The following PRRC2C variants were observed in gnomAD, a reference collection of about 807,000 sequenced individuals.
PRRC2C encodes the protein protein PRRC2C.
A neutral mutation model predicts 317.2 loss-of-function variants in PRRC2C; 72 were observed. The ratio of observed to expected loss-of-function variants is 0.23; its 90% CI spans 0.19 to 0.28. The LOEUF (loss-of-function observed/expected upper bound fraction) is 0.28, where lower values mean the gene tolerates loss of function less well. PRRC2C is among the 10% of genes least tolerant of loss of function. The pLI is 1.00. For missense variants in PRRC2C, 3,074 were observed against 3,459.7 expected (o/e 0.89, Z 2.80); for synonymous variants, 1,296 against 1,205.9 (o/e 1.07, Z -1.55).
rs1677779593 is a variant in PRRC2C, at chr1:171,540,591, A to T, written c.3125A>T (p.Glu1042Val). The change falls in exon 16 of 35, where the codon GAA (glutamate) becomes GTA (valine). Residue 1042 changes from glutamate to valine, a missense_variant. Physicochemically the swap from Glu to Val is moderately radical, Grantham distance 121. This residue lies in a region of PRRC2C where 1,320 missense variants were observed against 1,395.7 expected (regional missense o/e 0.95). Coordinates refer to ENST00000647382, the MANE Select transcript of PRRC2C (RefSeq NM_001387844.1). ...AAGGAGAAAGAAGGAGAAAAGGCCG[A>T]AAAGGTCACTGAAAAAGTAGTTGTA... is the stretch of plus-strand genomic sequence containing the variant. The part of the protein sequence containing the change: ...QRKEKEGEKA[E>V]KVTEKVVVKP... The T allele has an allele frequency of 1.2e-6, 2 of 1,613,952 alleles. No homozygotes were observed. Among genetic ancestry groups the T allele is most frequent in the South Asian group, 2.2e-5 (2 of 91,086 alleles).
chr1:171,507,405 G>A (rs552566952), intron 1 of PRRC2C, among the ~76,000 whole-genome samples: 1 of 152,254 alleles, frequency 6.6e-6, no homozygotes, highest in East Asian at 1.9e-4. Flanking sequence ...GAGATCAGGA[G>A]TTCAAGACCA....
intron 7 of PRRC2C, 133 bp from the exon 8 acceptor site, chr1:171,523,088 C>A (rs913203637): frequency 5.3e-6 from 4 of 748,888 alleles, no homozygotes; most frequent in South Asian, 4.6e-5. Flanking sequence ...ATACACATGT[C>A]CATGCAGAAC....
At chr1:171,544,324 A>G (rs1467778333) in intron 16 of PRRC2C, among the ~76,000 whole-genome samples, 3 of 152,100 alleles carry the variant, frequency 2.0e-5, no homozygotes, top group African/African-American at 7.2e-5. Flanking sequence ...GGGATTCGCC[A>G]TGTTTGCCAG....
At chr1:171,567,267 T>C (rs1383956663) in intron 22 of PRRC2C, among the ~76,000 whole-genome samples, 1 of 152,130 alleles carries the variant, frequency 6.6e-6, no homozygotes, top group African/African-American at 2.4e-5. Flanking sequence ...CAGATTACTG[T>C]TTCTTTGGTT....
intron 15 of PRRC2C, 74 bp downstream of exon 15, chr1:171,537,547 G>C (rs190177796): frequency 7.6e-7 from 1 of 1,312,884 alleles, no homozygotes; most frequent in African/African-American, 1.5e-5. Flanking sequence ...TGTTTCTGAA[G>C]ATCATTCCAA....
At chr1:171,527,970 T>TA in intron 11 of PRRC2C, 126 bp downstream of exon 11, 1 of 681,110 alleles carries the variant, frequency 1.5e-6, no homozygotes, top group Non-Finnish European at 2.6e-6. Flanking sequence ...TTGTGACTCT[T>TA]ACATGTCTTA....
chr1:171,490,421 G>A (rs981194804), intron 1 of PRRC2C, among the ~76,000 whole-genome samples: 5 of 152,134 alleles, frequency 3.3e-5, no homozygotes, highest in East Asian at 1.9e-4. Flanking sequence ...AATGAAGGTC[G>A]AAAGCCTAGA....
At chr1:171,548,786 T>C (rs1679643586) in intron 17 of PRRC2C, among the ~76,000 whole-genome samples, 1 of 152,258 alleles carries the variant, frequency 6.6e-6, no homozygotes, top group African/African-American at 2.4e-5. Flanking sequence ...TAGATGATTC[T>C]GGTATGTGTT....
At chr1:171,551,872 G>C (rs564321352) in intron 18 of PRRC2C, among the ~76,000 whole-genome samples, 1 of 152,188 alleles carries the variant, frequency 6.6e-6, no homozygotes, top group Non-Finnish European at 1.5e-5. Flanking sequence ...TAGACTTGTA[G>C]TGTAGTTTGA....
At position 171,575,002 on chromosome 1, in the gene PRRC2C, C is replaced by T. The variant is rs780272536; in HGVS notation, c.6829C>T (p.Pro2277Ser). The change falls in exon 25 of 35, where the codon CCT becomes TCT. Residue 2277 changes from proline (P) to serine (S), a missense_variant. By Grantham distance (74) the Pro-to-Ser change is moderately conservative. Around this residue, in one of 11 missense-constraint regions of PRRC2C, gnomAD observed 490 missense variants for 663.1 expected, o/e 0.74. Coordinates refer to ENST00000647382, the MANE Select transcript of PRRC2C (RefSeq NM_001387844.1). ...GGGGTCTCCAGTAACTTCCACAGCA[C>T]CTCCAATTGCAACTGGAGTCAGCAG... ...EKGSPVTSTA[P>S]PIATGVSSSA... is the part of the protein sequence containing the mutation. 1 of 1,613,900 alleles carries T rather than the reference C, an allele frequency of 6.2e-7. No homozygotes were observed. Among genetic ancestry groups the T allele is most frequent in the Non-Finnish European group, 8.5e-7 (1 of 1,179,850 alleles).
chr1:171,524,722 C>T (rs778022206), intron 9 of PRRC2C, 99 bp from the exon 10 acceptor site: 113 of 1,253,034 alleles, frequency 9.0e-5, no homozygotes, highest in Non-Finnish European at 1.1e-4. Flanking sequence ...TTTCCCCCCC[C>T]AGAAACCATA....
At chr1:171,523,678 A>G (rs1674022319) in intron 9 of PRRC2C, among the ~76,000 whole-genome samples, 156 bp downstream of exon 9, 1 of 152,230 alleles carries the variant, frequency 6.6e-6, no homozygotes, top group South Asian at 2.1e-4. Context: ...TTAATGAGCT[A>G]GATTAATACA....
intron 23 of PRRC2C, among the ~76,000 whole-genome samples, chr1:171,569,735 A>G (rs941494352): frequency 4.0e-5 from 6 of 151,178 alleles, no homozygotes; most frequent in Admixed American, 3.3e-4. Context: ...GTAAGATCTC[A>G]ATAAAGTTTA....
chr1:171,518,495 T>TTTTTTTTCAATTTTTTTTTCAA (rs1491214010), intron 6 of PRRC2C, among the ~76,000 whole-genome samples: 18 of 47,458 alleles, frequency 3.8e-4, no homozygotes, highest in Non-Finnish European at 6.0e-4. Flanking sequence ...TTTTTTTCAA[T>TTTTTTTTCAATTTTTTTTTCAA]TTTTTTTTTT....
chr1:171,553,204 C>T (rs1166971893), intron 18 of PRRC2C, among the ~76,000 whole-genome samples: 3 of 152,064 alleles, frequency 2.0e-5, no homozygotes, highest in Non-Finnish European at 4.4e-5. Flanking sequence ...GTGTGTGTGT[C>T]GAGGAATTTA....
intron 17 of PRRC2C, among the ~76,000 whole-genome samples, chr1:171,546,073 A>T (rs1034602877): frequency 1.3e-5 from 2 of 152,202 alleles, no homozygotes; most frequent in African/African-American, 4.8e-5. Context: ...TAAATGTTAA[A>T]CTCAATAATT....
chr1:171,576,213 G>T (rs1350494435), intron 25 of PRRC2C, among the ~76,000 whole-genome samples: 1 of 152,198 alleles, frequency 6.6e-6, no homozygotes, highest in Admixed American at 6.5e-5. Context: ...GGGGGGGTTA[G>T]TGAAGGTGGT....
chr1:171,557,982 C>A lies in PRRC2C; in HGVS notation c.5870C>A (p.Pro1957Gln). The A allele has an allele frequency of 1.2e-6, 2 of 1,613,748 alleles. No homozygotes were observed. The highest frequency in any genetic ancestry group is 1.7e-6 in the Non-Finnish European group (2 of 1,179,802). Reference sequence around the variant, plus strand: ...ACATCTCAGTCTTCAAAACAACCACCACCATCAATTAGGCTGCCTTCAGCT... The same window carrying A: ...ACATCTCAGTCTTCAAAACAACCACAACCATCAATTAGGCTGCCTTCAGCT... ...QTTSQSSKQPPPSIRLPSAQT... is the reference protein window; with the variant it reads ...QTTSQSSKQPQPSIRLPSAQT... Residue 1957 changes from proline to glutamine, a missense_variant, in exon 19 of 35, where the codon CCA (proline) becomes CAA (glutamine). Coordinates refer to ENST00000647382, the MANE Select transcript of PRRC2C (RefSeq NM_001387844.1).
At chr1:171,553,036 G>A (rs894964320) in intron 18 of PRRC2C, among the ~76,000 whole-genome samples, 2 of 152,174 alleles carry the variant, frequency 1.3e-5, no homozygotes, top group African/African-American at 4.8e-5. Context: ...AGAAGGAATG[G>A]TACCGGCTCC....
Sources: allele counts gnomAD v4.1 joint callset (sites outside exome capture counted in the v4.1 genomes callset), GRCh38; gene constraint gnomAD v4.1.1; regional missense constraint gnomAD v4.1.1; transcripts MANE v1.5; gene names NCBI Gene and HGNC (gene_info 2026-07-23, HGNC 2026-07-21).